Variants in RBFOX1 observed in about 807,000 individuals in gnomAD.
The protein encoded by RBFOX1 is RNA binding fox-1 homolog 1, also known as RNA binding protein fox-1 homolog 1.
In RBFOX1, 8 loss-of-function variants were observed where a neutral mutation model predicts 57.7. That is an observed-to-expected ratio of 0.14 (90% CI 0.08 to 0.25). RBFOX1 has a LOEUF of 0.25. Among genes scored for constraint, RBFOX1 ranks in the 10% least tolerant of loss-of-function variants. RBFOX1 has a pLI of 1.00. For missense variants in RBFOX1, 611 were observed against 548.5 expected, an observed-to-expected ratio of 1.11 and a Z score of -1.14; for synonymous variants, 326 against 222.4, an observed-to-expected ratio of 1.47 and a Z score of -4.15.
chr16:6,164,536 G>A (rs777686014), intron 1 of RBFOX1, among the ~76,000 whole-genome samples: 86 of 148,200 alleles, frequency 5.8e-4, no homozygotes, highest in Non-Finnish European at 9.0e-4. Flanking sequence ...GTGCTATCTC[G>A]GCCCACTGCA....
intron 4 of RBFOX1, among the ~76,000 whole-genome samples, chr16:7,300,835 C>A (rs1349490488): frequency 6.6e-6 from 1 of 152,114 alleles, no homozygotes; most frequent in Admixed American, 6.5e-5. Flanking sequence ...TTATTGATTG[C>A]CAATTTTCCT....
rs566490200 is a variant in RBFOX1, at chr16:6,096,658, T to C, written c.-127+76666T>C. On this transcript the variant is annotated intron_variant, in intron 1 of 15. Coordinates refer to ENST00000550418, the MANE Select transcript of RBFOX1 (RefSeq NM_018723.4). Reference sequence around the variant, plus strand: ...ATTGGGTTTGATACAGTGGCATCAATCTTACAGTTTATCATGTACCGATGT... The same window carrying C: ...ATTGGGTTTGATACAGTGGCATCAACCTTACAGTTTATCATGTACCGATGT... Among the ~76,000 whole-genome samples the C allele has an allele frequency of 2.6e-4, 40 of 152,350 alleles. 1 individual carries two copies. The South Asian group carries it at 5.8e-3, about 22-fold the overall frequency.
chr16:5,631,530 C>G (rs2048506466), intron 3 of RBFOX1, among the ~76,000 whole-genome samples: 1 of 151,516 alleles, frequency 6.6e-6, no homozygotes, highest in African/African-American at 2.4e-5. Context: ...GCACTCCAGC[C>G]TGGTGACAGA....
At chr16:6,550,399 G>A (rs111329085) in intron 2 of RBFOX1, among the ~76,000 whole-genome samples, 2,827 of 152,250 alleles carry the variant, frequency 0.019, 90 homozygotes, top group African/African-American at 0.064. Flanking sequence ...CTGGTCTCCA[G>A]TTCATGGCCT....
At chr16:6,784,663 C>G (rs11864365) in intron 3 of RBFOX1, among the ~76,000 whole-genome samples, 15,800 of 151,632 alleles carry the variant, frequency 0.1, 890 homozygotes, top group African/African-American at 0.14. Context: ...CCTAGATGTT[C>G]TCCTTGCATG....
intron 1 of RBFOX1, among the ~76,000 whole-genome samples, chr16:5,307,406 A>C (rs1462263361): frequency 6.6e-6 from 1 of 152,114 alleles, no homozygotes; most frequent in Non-Finnish European, 1.5e-5. Context: ...AAAAATAATC[A>C]CAAAGGAAAC....
Position 6,613,293 on chromosome 16 carries a change from G to A in RBFOX1, c.-63-41310G>A, listed in dbSNP as rs556744642. Among the ~76,000 whole-genome samples the A allele has an allele frequency of 2.2e-4, 34 of 152,066 alleles. 1 individual carries two copies. The Middle Eastern group carries it at 0.014, about 61-fold the overall frequency. ...GATTTTCAGGTTGGTTTGCAATAAGGGTAAACTTGGGAAGGATGGAGAGCA... is the reference window on the plus strand; with the variant it reads ...GATTTTCAGGTTGGTTTGCAATAAGAGTAAACTTGGGAAGGATGGAGAGCA... On this transcript the variant is annotated intron_variant, in intron 2 of 15. Coordinates refer to ENST00000550418, the MANE Select transcript of RBFOX1 (RefSeq NM_018723.4).
intron 2 of RBFOX1, among the ~76,000 whole-genome samples, chr16:5,554,715 C>A (rs934224206): frequency 1.3e-5 from 2 of 152,194 alleles, no homozygotes; most frequent in Non-Finnish European, 2.9e-5. Flanking sequence ...AGGCTCTATT[C>A]ACAAACGTCT....
chr16:5,256,077 CACATATTTGAACCAGTAGTGACAT>C (rs1333148170), intron 1 of RBFOX1, among the ~76,000 whole-genome samples: 3 of 152,104 alleles, frequency 2.0e-5, no homozygotes, highest in African/African-American at 7.2e-5. Flanking sequence ...ATACGAAAGA[CACATATTTGAACCAGTAGTGACAT>C]ACAGGTGCTA....
chr16:6,468,812 T>C (rs1276416583), intron 2 of RBFOX1, among the ~76,000 whole-genome samples: 1 of 152,134 alleles, frequency 6.6e-6, no homozygotes, highest in Non-Finnish European at 1.5e-5. Flanking sequence ...TTAAGTTCAG[T>C]GGTACATATG....
chr16:6,229,241 A>G (rs986645073), intron 1 of RBFOX1, among the ~76,000 whole-genome samples: 8 of 152,096 alleles, frequency 5.3e-5, no homozygotes, highest in African/African-American at 1.9e-4. Context: ...TAAAATAGAG[A>G]GCAAAACTCA....
chr16:7,640,517 A>G (rs2062598119), intron 11 of RBFOX1, among the ~76,000 whole-genome samples: 1 of 152,222 alleles, frequency 6.6e-6, no homozygotes, highest in African/African-American at 2.4e-5. Flanking sequence ...AGGAGTCACT[A>G]GAGGATGCTT....
intron 3 of RBFOX1, among the ~76,000 whole-genome samples, chr16:6,726,397 CT>C (rs5815344): frequency 0.22 from 32,820 of 146,840 alleles, 3,698 homozygotes; most frequent in East Asian, 0.42. Context: ...GCTATTTTTT[CT>C]TTTTTTTTTT....
intron 13 of RBFOX1, chr16:7,671,528 G>A: frequency 6.3e-7 from 1 of 1,579,700 alleles, no homozygotes; most frequent in Non-Finnish European, 8.7e-7. Context: ...TTTTTGCATT[G>A]AAAACATTAC....
At chr16:5,799,005 C>T (rs1193425245) in intron 3 of RBFOX1, among the ~76,000 whole-genome samples, 1 of 152,082 alleles carries the variant, frequency 6.6e-6, no homozygotes, top group African/African-American at 2.4e-5. Flanking sequence ...GCTTATTAGT[C>T]TGTTTTCATG....
chr16:6,742,408 T>G (rs2072457415), intron 3 of RBFOX1, among the ~76,000 whole-genome samples: 1 of 152,218 alleles, frequency 6.6e-6, no homozygotes, highest in East Asian at 1.9e-4. Context: ...ACAACTCTTC[T>G]GGCAAATTGT....
chr16:6,281,438 G>T (rs2076369308), intron 1 of RBFOX1, among the ~76,000 whole-genome samples: 1 of 152,096 alleles, frequency 6.6e-6, no homozygotes, highest in African/African-American at 2.4e-5. Context: ...CGTTTTGCTG[G>T]TGAATCCCTA....
rs530538545 is a variant in RBFOX1, at chr16:6,573,432, G to A, written c.-63-81171G>A. On this transcript the variant is annotated intron_variant, in intron 2 of 15. Coordinates refer to ENST00000550418, the MANE Select transcript of RBFOX1 (RefSeq NM_018723.4). ...TGTCTCTTGAGTAAGAAAACTGCTG[G>A]AAAGAGTCTGCCATTCACTCAGATC... is the stretch of plus-strand genomic sequence containing the variant. Among the ~76,000 whole-genome samples, 361 of 152,280 alleles carry A rather than the reference G, an allele frequency of 2.4e-3. 1 individual carries two copies. Among genetic ancestry groups the A allele is most frequent in the Middle Eastern group, 6.8e-3 (2 of 294 alleles).
At chr16:6,512,062 G>C (rs1478191554) in intron 2 of RBFOX1, among the ~76,000 whole-genome samples, 2 of 151,676 alleles carry the variant, frequency 1.3e-5, no homozygotes, top group African/African-American at 4.9e-5. Context: ...CTTGAGCCCA[G>C]GAGTTCAAGA....
Sources: gnomAD v4.1 joint callset for allele counts (sites outside exome capture counted in the v4.1 genomes callset) on GRCh38, gnomAD v4.1.1 for gene constraint, MANE v1.5 for transcripts, NCBI Gene and HGNC (gene_info 2026-07-23, HGNC 2026-07-21) for gene names.